SCARA5: variants seen among roughly 807,000 people sequenced by gnomAD.
The protein encoded by SCARA5 is scavenger receptor class A, member 5 (putative).
A neutral mutation model predicts 46.3 loss-of-function variants in SCARA5; 45 were observed. The observed-to-expected ratio is 0.97, with a 90% CI of 0.76 to 1.24. The LOEUF (loss-of-function observed/expected upper bound fraction) is 1.24. Ranked by LOEUF, SCARA5 falls within the 50% of genes most tolerant of loss-of-function variation. The probability of loss-of-function intolerance (pLI) is 0.00; values close to 1 mark genes in which losing one functional copy is unlikely to be tolerated. For synonymous variants in SCARA5, 333 were observed against 306.5 expected, an observed-to-expected ratio of 1.09 and a Z score of -0.90; for missense variants, 680 against 689.0, an observed-to-expected ratio of 0.99 and a Z score of 0.15.
At chr8:27,917,920 G>A (rs1383582816) in intron 4 of SCARA5, among the ~76,000 whole-genome samples, 2 of 152,342 alleles carry the variant, frequency 1.3e-5, no homozygotes, top group South Asian at 2.1e-4. Flanking sequence ...TTTCTGGGAT[G>A]TGAAGGCCCA....
chr8:27,919,337 G>C (rs1237674243), intron 4 of SCARA5, among the ~76,000 whole-genome samples: 1 of 152,072 alleles, frequency 6.6e-6, no homozygotes. Flanking sequence ...ACAGCTGTCA[G>C]TGGGGAAGGT....
chr8:27,876,889 G>A (rs1806733091), intron 8 of SCARA5, among the ~76,000 whole-genome samples: 1 of 152,164 alleles, frequency 6.6e-6, no homozygotes, highest in Admixed American at 6.5e-5. Flanking sequence ...CAGCAGACGA[G>A]CTGGGAGTGG....
rs138351451 is a variant in SCARA5, at chr8:27,976,908, G to A, written c.113-10366C>T. On this transcript the variant is annotated intron_variant, in intron 2 of 8. Transcript: ENST00000354914. ...CCTCACCAGCAGTTTCTGCCCTGAGGCCACCCAGCAGGATCGCTTGAGCCC... is the reference window on the plus strand; with the variant it reads ...CCTCACCAGCAGTTTCTGCCCTGAGACCACCCAGCAGGATCGCTTGAGCCC... 4.9e-3 allele frequency among the ~76,000 whole-genome samples: 751 copies of A among 152,288 alleles called. 14 individuals are homozygous for A. Among genetic ancestry groups the A allele is most frequent in the African/African-American group, 0.017 (701 of 41,558 alleles).
rs899686922 is a variant in SCARA5, at chr8:27,925,893, A to G, written c.242-3648T>C. On this transcript the variant is annotated intron_variant, in intron 3 of 8. Coordinates refer to ENST00000354914, the MANE Select transcript of SCARA5 (RefSeq NM_173833.6). Reference sequence around the variant, plus strand: ...TCAGAGAAATGCAAATGAGAACCACAATGAGATATGATCTCATGCCAGTTA... The same window carrying G: ...TCAGAGAAATGCAAATGAGAACCACGATGAGATATGATCTCATGCCAGTTA... Among the ~76,000 whole-genome samples the G allele has an allele frequency of 2.0e-5, 3 of 152,234 alleles. No individual in the cohort carries two copies. In the South Asian group the frequency reaches 6.2e-4, roughly 32 times the overall value.
At chr8:27,953,763 C>T (rs1403431662) in intron 3 of SCARA5, among the ~76,000 whole-genome samples, 1 of 152,200 alleles carries the variant, frequency 6.6e-6, no homozygotes, top group East Asian at 1.9e-4. Context: ...AGGGTCGGGC[C>T]CATTGGGGGA....
At chr8:27,981,592 C>A (rs982059572) in intron 2 of SCARA5, among the ~76,000 whole-genome samples, 1 of 152,348 alleles carries the variant, frequency 6.6e-6, no homozygotes, top group Admixed American at 6.5e-5. Context: ...CAAACAGAAC[C>A]CCCTGCACTG....
chr8:27,930,094 A>C (rs1807745497), intron 3 of SCARA5, among the ~76,000 whole-genome samples: 1 of 152,046 alleles, frequency 6.6e-6, no homozygotes, highest in Non-Finnish European at 1.5e-5. Context: ...AATAACCCAA[A>C]CCACAGCAAT....
In SCARA5 at chr8:27,992,446, C is replaced by G. The variant is rs1488942098; in HGVS notation, c.-205G>C. The G allele has an allele frequency of 6.6e-6, 1 of 152,362 alleles. No individual in the cohort carries two copies. Among genetic ancestry groups the G allele is most frequent in the Non-Finnish European group, 1.5e-5 (1 of 68,148 alleles). The allele number at this position is 152,362 out of a possible 1,614,324, so 9.4% of individuals were successfully genotyped here. A position where few individuals can be genotyped will look rare whatever the true frequency, so the allele number is the denominator to read the frequency against. On this transcript the variant is annotated 5_prime_UTR_variant, in exon 1 of 9. Transcript: ENST00000354914. The stretch of plus-strand genomic sequence containing the variant: ...GGGCGCCCAGGGACGAGTCTCAGAG[C>G]AGGACCACAGGGGCCACTTCTGCAG...
chr8:27,870,006 G>A lies in SCARA5; in HGVS notation c.*1928C>T, dbSNP rs772500105. ...CATGGTCATTTCCATGTCCTCTGAAGTAGGTATGTAAACTAGTAGACTTCC... is the reference window on the plus strand; with the variant it reads ...CATGGTCATTTCCATGTCCTCTGAAATAGGTATGTAAACTAGTAGACTTCC... On this transcript the variant is annotated 3_prime_UTR_variant, in exon 9 of 9. Coordinates refer to ENST00000354914, the MANE Select transcript of SCARA5 (RefSeq NM_173833.6). The A allele has an allele frequency of 4.6e-5, 7 of 152,204 alleles. No individual in the cohort carries two copies. The highest frequency in any genetic ancestry group is 1.0e-4 in the Non-Finnish European group (7 of 68,044). 9.4% of individuals were successfully genotyped at this position (152,204 alleles called of 1,614,324 possible). A position where few individuals can be genotyped will look rare whatever the true frequency, so the allele number is the denominator to read the frequency against.
intron 3 of SCARA5, among the ~76,000 whole-genome samples, chr8:27,956,547 T>C (rs777819257): frequency 3.3e-4 from 50 of 152,248 alleles, no homozygotes; most frequent in Non-Finnish European, 6.3e-4. Flanking sequence ...TTACTCATTG[T>C]TATCCCCATT....
chr8:27,935,094 A>G (rs1807833393), intron 3 of SCARA5, among the ~76,000 whole-genome samples: 1 of 152,222 alleles, frequency 6.6e-6, no homozygotes, highest in African/African-American at 2.4e-5. Flanking sequence ...GATGCAGGAA[A>G]TCGATTCTCC....
Position 27,871,868 on chromosome 8 carries a change from T to C in SCARA5, c.*66A>G. On this transcript the variant is annotated 3_prime_UTR_variant, in exon 9 of 9. Coordinates refer to ENST00000354914, the MANE Select transcript of SCARA5 (RefSeq NM_173833.6). The stretch of plus-strand genomic sequence containing the variant: ...GCATGGTCAGGGTGGCCCCGAGCTG[T>C]GCCCCACCCCAGGGATGCAGGAAGG... 11 of 1,608,118 alleles carry C rather than the reference T, an allele frequency of 6.8e-6. No individual in the cohort carries two copies. The South Asian group carries it at 1.2e-4, about 18-fold the overall frequency.
intron 3 of SCARA5, among the ~76,000 whole-genome samples, chr8:27,941,359 A>T (rs1807941999): frequency 6.6e-6 from 1 of 152,202 alleles, no homozygotes; most frequent in Non-Finnish European, 1.5e-5. Context: ...CGCTATGCTG[A>T]TACATACTCT....
Position 27,904,764 on chromosome 8 carries a change from C to A in SCARA5, c.1153+14G>T. The A allele has an allele frequency of 1.9e-6, 3 of 1,612,208 alleles. No individual in the cohort carries two copies. Among genetic ancestry groups the A allele is most frequent in the Non-Finnish European group, 2.5e-6 (3 of 1,178,172 alleles). On this transcript the variant is annotated intron_variant, in intron 7 of 8. Transcript: ENST00000354914. ...CCAACACCATATCCCACGGCCCCAG[C>A]AGAATGTCCTTACTGGCATCCCCAG... is the stretch of plus-strand genomic sequence containing the variant.
intron 4 of SCARA5, among the ~76,000 whole-genome samples, chr8:27,912,813 G>A (rs1807399687): frequency 6.6e-6 from 1 of 152,242 alleles, no homozygotes. Flanking sequence ...AAGGGAGGAT[G>A]CTGCCCAAAG....
At chr8:27,977,995 T>C (rs1255042253) in intron 2 of SCARA5, among the ~76,000 whole-genome samples, 1 of 151,784 alleles carries the variant, frequency 6.6e-6, no homozygotes, top group Non-Finnish European at 1.5e-5. Context: ...AGTGCACTAG[T>C]GTATTTCAGT....
intron 7 of SCARA5, among the ~76,000 whole-genome samples, chr8:27,888,023 T>A (rs1001069056): frequency 6.6e-6 from 1 of 151,986 alleles, no homozygotes; most frequent in African/African-American, 2.4e-5. Flanking sequence ...CATATAGACC[T>A]CAAATGAGGG....
At chr8:27,942,607 A>G (rs751584876) in intron 3 of SCARA5, among the ~76,000 whole-genome samples, 4 of 152,104 alleles carry the variant, frequency 2.6e-5, no homozygotes, top group Admixed American at 6.5e-5. Context: ...TGTATACATC[A>G]GTGGTGAACT....
chr8:27,932,909 G>A (rs1394202090), intron 3 of SCARA5, among the ~76,000 whole-genome samples: 2 of 152,238 alleles, frequency 1.3e-5, no homozygotes, highest in Non-Finnish European at 2.9e-5. Context: ...GGGATTACAG[G>A]CGTCAGCCAC....
Sources: gnomAD v4.1 joint callset for allele counts (sites outside exome capture counted in the v4.1 genomes callset) on GRCh38, gnomAD v4.1.1 for gene constraint, MANE v1.5 for transcripts, NCBI Gene and HGNC (gene_info 2026-07-23, HGNC 2026-07-21) for gene names.